The following GCNT2 variants were observed in gnomAD, a reference collection of about 807,000 sequenced individuals.
The protein encoded by GCNT2 is N-acetyllactosaminide beta-1,6-N-acetylglucosaminyl-transferase.
In GCNT2, 34 loss-of-function variants were observed where a neutral mutation model predicts 34.2. The observed-to-expected ratio is 1.00, with a 90% CI of 0.76 to 1.32. The LOEUF (loss-of-function observed/expected upper bound fraction) is 1.32, where lower values mean the gene tolerates loss of function less well. Ranked by LOEUF, GCNT2 falls within the 40% of genes most tolerant of loss-of-function variation. The pLI, the probability that GCNT2 is intolerant of heterozygous loss-of-function variation, is 0.00. For missense variants in GCNT2, 584 were observed against 489.4 expected (o/e 1.19, Z -1.82); for synonymous variants, 212 against 188.0 (o/e 1.13, Z -1.04).
At chr6:10,615,830 T>C (rs2127439384) in intron 3 of GCNT2, among the ~76,000 whole-genome samples, 1 of 152,348 alleles carries the variant, frequency 6.6e-6, no homozygotes, top group African/African-American at 2.4e-5. Context: ...GACATTGCTA[T>C]GGCAGTGGTG....
chr6:10,537,321 C>A (rs756416672), intron 3 of GCNT2, among the ~76,000 whole-genome samples: 12 of 152,168 alleles, frequency 7.9e-5, no homozygotes, highest in Non-Finnish European at 1.2e-4. Context: ...TCCTTCCCAG[C>A]TAAGTTAGAC....
At chr6:10,543,485 C>G (rs537573660) in intron 3 of GCNT2, among the ~76,000 whole-genome samples, 2 of 152,334 alleles carry the variant, frequency 1.3e-5, no homozygotes, top group Admixed American at 6.5e-5. Flanking sequence ...ACCACTGTAC[C>G]TAGCCCCCAA....
At chr6:10,572,949 T>A (rs569899584) in intron 3 of GCNT2, among the ~76,000 whole-genome samples, 1 of 152,154 alleles carries the variant, frequency 6.6e-6, no homozygotes, top group African/African-American at 2.4e-5. Context: ...CCAAGCCCTC[T>A]GCCCTAACAA....
At chr6:10,549,502 T>C (rs1762395829) in intron 3 of GCNT2, among the ~76,000 whole-genome samples, 2 of 151,646 alleles carry the variant, frequency 1.3e-5, no homozygotes, top group African/African-American at 2.4e-5. Context: ...TGTTGCTCCA[T>C]ATCTTCACGA....
intron 3 of GCNT2, chr6:10,573,075 C>A (rs1375976358): frequency 3.9e-6 from 2 of 506,360 alleles, no homozygotes; most frequent in East Asian, 1.5e-4. Context: ...TTAGAAGTTG[C>A]AAGAAATCAC....
At chr6:10,620,912 A>G (rs1766007270) in intron 3 of GCNT2, among the ~76,000 whole-genome samples, 1 of 152,154 alleles carries the variant, frequency 6.6e-6, no homozygotes, top group African/African-American at 2.4e-5. Context: ...ATCGGCATCT[A>G]TTGGGTAGAG....
chr6:10,526,122 G>C (rs141523183), intron 1 of GCNT2, among the ~76,000 whole-genome samples: 2 of 152,314 alleles, frequency 1.3e-5, no homozygotes, highest in East Asian at 3.9e-4. Flanking sequence ...TTTCAGAAAA[G>C]ATTGATTTTG....
intron 3 of GCNT2, among the ~76,000 whole-genome samples, chr6:10,609,976 G>A (rs1176268604): frequency 1.3e-5 from 2 of 152,168 alleles, no homozygotes; most frequent in African/African-American, 4.8e-5. Flanking sequence ...CAAATAGAAG[G>A]GTGACAGGAT....
At chr6:10,544,650 A>G (rs1762186159) in intron 3 of GCNT2, among the ~76,000 whole-genome samples, 1 of 151,534 alleles carries the variant, frequency 6.6e-6, no homozygotes, top group Non-Finnish European at 1.5e-5. Context: ...AAATAAATAA[A>G]TAAATAAATG....
intron 1 of GCNT2, among the ~76,000 whole-genome samples, chr6:10,522,331 C>G (rs1043210474): frequency 6.6e-6 from 1 of 152,162 alleles, no homozygotes; most frequent in Admixed American, 6.5e-5. Flanking sequence ...TCTATGAAAA[C>G]CCATCTTCTG....
intron 4 of GCNT2, among the ~76,000 whole-genome samples, chr6:10,623,133 C>T (rs556374628): frequency 6.6e-6 from 1 of 152,116 alleles, no homozygotes; most frequent in East Asian, 1.9e-4. Context: ...TCCATTACAC[C>T]AACCTCTTTC....
chr6:10,556,636 T>C (rs1762719496), intron 3 of GCNT2: 1 of 1,614,070 alleles, frequency 6.2e-7, no homozygotes. Context: ...AGAAGTCTTC[T>C]TGCAAGGAAT....
Position 10,581,566 on chromosome 6 carries a change from G to A in GCNT2, c.926-39785G>A, listed in dbSNP as rs185218866. The A allele has an allele frequency of 9.7e-4, 164 of 168,350 alleles. 1 individual carries two copies. Among genetic ancestry groups the A allele is most frequent in the African/African-American group, 3.1e-3 (128 of 41,806 alleles). 10.4% of individuals were successfully genotyped at this position (168,350 alleles called of 1,614,324 possible). A position where few individuals can be genotyped will look rare whatever the true frequency, so the allele number is the denominator to read the frequency against. On this transcript the variant is annotated intron_variant, in intron 3 of 4. Transcript: ENST00000495262. ...ATTACCGGCATGAACCACTGCACCC[G>A]GCCTCATTTATTTATTTTTGGATAC...
chr6:10,583,114 C>T (rs1362728295), intron 3 of GCNT2, among the ~76,000 whole-genome samples: 1 of 152,098 alleles, frequency 6.6e-6, no homozygotes, highest in African/African-American at 2.4e-5. Flanking sequence ...TTTTTAAAGG[C>T]CTCAATGTGC....
At chr6:10,541,194 ATG>A (rs1284392566) in intron 3 of GCNT2, among the ~76,000 whole-genome samples, 2 of 151,876 alleles carry the variant, frequency 1.3e-5, no homozygotes, top group East Asian at 3.9e-4. Flanking sequence ...CAGCCCCAGT[ATG>A]TGTTGTTCCC....
intron 3 of GCNT2, among the ~76,000 whole-genome samples, chr6:10,578,189 G>A (rs564617697): frequency 4.0e-5 from 6 of 151,802 alleles, no homozygotes; most frequent in Admixed American, 1.3e-4. Context: ...TCAGGAGTTC[G>A]AGACCAGCCT....
intron 3 of GCNT2, among the ~76,000 whole-genome samples, chr6:10,582,335 C>A (rs975115471): frequency 1.2e-5 from 1 of 86,372 alleles, no homozygotes; most frequent in Non-Finnish European, 2.0e-5. Flanking sequence ...ATAATATATA[C>A]TATATAATAT....
intron 3 of GCNT2, among the ~76,000 whole-genome samples, chr6:10,554,534 C>T (rs764037690): frequency 6.6e-6 from 1 of 152,064 alleles, no homozygotes; most frequent in South Asian, 2.1e-4. Context: ...TTATGTGCAC[C>T]GAATGCTTTG....
At chr6:10,523,188 G>A (rs1047830012) in intron 1 of GCNT2, among the ~76,000 whole-genome samples, 3 of 152,112 alleles carry the variant, frequency 2.0e-5, no homozygotes, top group African/African-American at 4.8e-5. Context: ...TTGGGAGGCC[G>A]AGTCAGGCGG....
Sources: allele counts gnomAD v4.1 joint callset (sites outside exome capture counted in the v4.1 genomes callset), GRCh38; gene constraint gnomAD v4.1.1; transcripts MANE v1.5; gene names NCBI Gene and HGNC (gene_info 2026-07-23, HGNC 2026-07-21).